Variants in CFAP43 observed in about 807,000 individuals in gnomAD.
CFAP43 encodes the protein cilia and flagella associated protein 43.
In CFAP43, 155 loss-of-function variants were observed where a neutral mutation model predicts 218.9. The observed-to-expected ratio is 0.71, with a 90% confidence interval of 0.62 to 0.81. CFAP43 has a LOEUF of 0.81. Among genes scored for constraint, CFAP43 ranks in the 30% least tolerant of loss-of-function variants. The probability of loss-of-function intolerance (pLI) is 0.00; values close to 1 mark genes in which losing one functional copy is unlikely to be tolerated. For synonymous variants in CFAP43, 645 were observed against 681.3 expected (o/e 0.95, Z 0.83); for missense variants, 1,778 against 1,954.3 (o/e 0.91, Z 1.70).
chr10:104,183,979 A>C (rs558010762), intron 16 of CFAP43, among the ~76,000 whole-genome samples: 1 of 152,344 alleles, frequency 6.6e-6, no homozygotes, highest in East Asian at 1.9e-4. Flanking sequence ...CAAAATCTCC[A>C]CAACATTTAA....
chr10:104,164,483 C>A (rs1281107753), intron 23 of CFAP43, among the ~76,000 whole-genome samples, 183 bp from the exon 24 acceptor site: 1 of 151,776 alleles, frequency 6.6e-6, no homozygotes, highest in East Asian at 1.9e-4. Flanking sequence ...CCGCAAGCTC[C>A]GCCTCCCGGG....
At chr10:104,210,759 G>T (rs2090832135) in intron 5 of CFAP43, among the ~76,000 whole-genome samples, 1 of 146,716 alleles carries the variant, frequency 6.8e-6, no homozygotes, top group Non-Finnish European at 1.5e-5. Flanking sequence ...CCTTGCACAT[G>T]CAGGTCCTTC....
chr10:104,196,129 T>G (rs1416669416), intron 10 of CFAP43, among the ~76,000 whole-genome samples: 2 of 152,226 alleles, frequency 1.3e-5, no homozygotes, highest in Non-Finnish European at 2.9e-5. Context: ...ACCTGTGGTA[T>G]CTGGGTGTAC....
chr10:104,182,124 C>T (rs1324651561), intron 17 of CFAP43, among the ~76,000 whole-genome samples: 1 of 151,902 alleles, frequency 6.6e-6, no homozygotes, highest in African/African-American at 2.4e-5. Context: ...TTTTTTTTTC[C>T]AGGCAAGCCT....
chr10:104,183,669 G>A (rs922577863), intron 16 of CFAP43, among the ~76,000 whole-genome samples: 2 of 152,222 alleles, frequency 1.3e-5, no homozygotes, highest in African/African-American at 2.4e-5. Context: ...GATTACAGGC[G>A]TGAGCCACTG....
chr10:104,143,489 C>G lies in CFAP43; in HGVS notation c.4095G>C (p.Leu1365Phe). Reference sequence around the variant, plus strand: ...AGAAATGATTCCAGACCAAAGGGTCCAAGCCTTCTGGCATGTTACTAATAT... The same window carrying G: ...AGAAATGATTCCAGACCAAAGGGTCGAAGCCTTCTGGCATGTTACTAATAT... ...LDNISNMPEG[L>F]DPLVWNHFCM... Residue 1365 changes from leucine (L) to phenylalanine (F), a missense_variant, in exon 32 of 38, where the codon TTG (leucine) becomes TTC (phenylalanine). Leu to Phe is a conservative substitution (Grantham distance 22). Transcript: ENST00000357060. 6.2e-7 allele frequency: 1 copy of G among 1,614,152 alleles called. No homozygotes were observed.
In CFAP43 at chr10:104,187,423, A is replaced by C; in HGVS notation, c.1757T>G (p.Leu586Trp). The change falls in exon 14 of 38, where the codon TTG (leucine) becomes TGG (tryptophan). Residue 586 changes from leucine to tryptophan, a missense_variant. By Grantham distance (61) the Leu-to-Trp change is moderately conservative. Transcript: ENST00000357060. ...DEIIHKYLYE[L>W]EHALSSAVLG... ...GACTGCAGAGGACAGAGCGTGCTCC[A>C]ACTCATACAGGTACTTATGAATGAT... 6.2e-7 allele frequency: 1 copy of C among 1,609,648 alleles called. No individual in the cohort carries two copies. Among genetic ancestry groups the C allele is most frequent in the Non-Finnish European group, 8.5e-7 (1 of 1,178,472 alleles).
chr10:104,182,392 C>A lies in CFAP43; in HGVS notation c.2263G>T (p.Asp755Tyr). Residue 755 changes from aspartate to tyrosine, a missense_variant, in exon 17 of 38, where the codon GAT (aspartate) becomes TAT (tyrosine). Asp to Tyr is a radical substitution (Grantham distance 160). Around this residue, in one of 3 missense-constraint regions of CFAP43, gnomAD observed 1,553 missense variants for 1,685.2 expected, o/e 0.92. Transcript: ENST00000357060. Reference sequence around the variant, plus strand: ...GTGTGTTCAGAATCGGATCCCAAATCTACGGAAACTTTTGGTGTTGTGCTT... The same window carrying A: ...GTGTGTTCAGAATCGGATCCCAAATATACGGAAACTTTTGGTGTTGTGCTT... Reference protein sequence around the residue: ...YLSTTPKVSVDLGSDSEHTKQ... With the variant: ...YLSTTPKVSVYLGSDSEHTKQ... 6.2e-7 allele frequency: 1 copy of A among 1,608,492 alleles called. No homozygotes were observed. The highest frequency in any genetic ancestry group is 1.3e-5 in the African/African-American group (1 of 74,664).
intron 4 of CFAP43, among the ~76,000 whole-genome samples, chr10:104,213,816 T>C (rs2090935021): frequency 6.6e-6 from 1 of 152,200 alleles, no homozygotes; most frequent in Non-Finnish European, 1.5e-5. Flanking sequence ...ACTACAGGCG[T>C]GAGCCACTGC....
chr10:104,139,275 GA>G (rs1379296794), intron 34 of CFAP43, among the ~76,000 whole-genome samples: 1 of 152,114 alleles, frequency 6.6e-6, no homozygotes, highest in Non-Finnish European at 1.5e-5. Context: ...AATCCCAGTA[GA>G]AAAAGAGAGA....
intron 5 of CFAP43, 92 bp downstream of exon 5, chr10:104,211,915 A>G: frequency 2.1e-6 from 3 of 1,416,810 alleles, no homozygotes; most frequent in East Asian, 2.4e-5. Context: ...TGTATCCTGC[A>G]TTTCTCAAGG....
intron 34 of CFAP43, among the ~76,000 whole-genome samples, chr10:104,138,568 G>A (rs188332050): frequency 1.4e-4 from 21 of 152,064 alleles, no homozygotes; most frequent in African/African-American, 5.1e-4. Flanking sequence ...CCAGCTACTC[G>A]GGAGGCTGAG....
At chr10:104,169,141 G>A (rs1477244083) in intron 20 of CFAP43, among the ~76,000 whole-genome samples, 7 of 152,210 alleles carry the variant, frequency 4.6e-5, no homozygotes, top group Non-Finnish European at 1.0e-4. Flanking sequence ...AGTGGGGTGT[G>A]AGGATGGATG....
Position 104,225,506 on chromosome 10 carries a change from T to G in CFAP43, c.371A>C (p.Tyr124Ser). 1 of 1,613,012 alleles carries G rather than the reference T, an allele frequency of 6.2e-7. No homozygotes were observed. Among genetic ancestry groups the G allele is most frequent in the Non-Finnish European group, 8.5e-7 (1 of 1,179,358 alleles). ...TGGGAGAGAGGAGTAACTAGCCAGG[T>G]AGGTGCCACAGTAACTGAATGAAAG... ...TLLSFSYCGT[Y>S]LASYSSLPEF... Residue 124 changes from tyrosine to serine, a missense_variant, in exon 3 of 38, where the codon TAC becomes TCC. This residue lies in a region of CFAP43 where 1,553 missense variants were observed against 1,685.2 expected (regional missense o/e 0.92). Transcript: ENST00000357060.
chr10:104,197,060 A>C (rs2090401101), intron 9 of CFAP43, 127 bp from the exon 10 acceptor site: 2 of 633,802 alleles, frequency 3.2e-6, no homozygotes, highest in East Asian at 5.9e-5. Flanking sequence ...GTGGATTATA[A>C]ATACTTATTT....
rs2087151995 is a variant in CFAP43, at chr10:104,130,931, G to A, written c.4831+400C>T. Among the ~76,000 whole-genome samples the A allele has an allele frequency of 3.3e-5, 5 of 150,786 alleles. No individual in the cohort carries two copies. In the South Asian group the frequency reaches 1.1e-3, roughly 32 times the overall value. ...GGAGGATCAATTGAGCCCAGGAGGT[G>A]GAGGTTGCATTGAGCCAAGATCATA... is the stretch of plus-strand genomic sequence containing the variant. On this transcript the variant is annotated intron_variant, in intron 37 of 37. Transcript: ENST00000357060.
intron 27 of CFAP43, among the ~76,000 whole-genome samples, chr10:104,158,693 A>T (rs1204595874): frequency 6.6e-6 from 1 of 152,204 alleles, no homozygotes; most frequent in Non-Finnish European, 1.5e-5. Context: ...ATCTGAATAT[A>T]GACTTAATTA....
At chr10:104,169,485 C>T (rs1291382540) in intron 20 of CFAP43, among the ~76,000 whole-genome samples, 4 of 151,972 alleles carry the variant, frequency 2.6e-5, no homozygotes, top group African/African-American at 7.3e-5. Flanking sequence ...GTTTTACTTG[C>T]TTACATAATC....
In CFAP43 at chr10:104,146,248, G is replaced by A. The variant is rs757936525; in HGVS notation, c.3855+15C>T. 1.6e-5 allele frequency: 26 copies of A among 1,609,196 alleles called. No homozygotes were observed. The highest frequency in any genetic ancestry group is 6.6e-5 in the South Asian group (6 of 90,926). Reference sequence around the variant, plus strand: ...CTCTACTGCATTGTTGAGTGGGTAAGACAACAACTCTCACTTTGTCTTCTG... The same window carrying A: ...CTCTACTGCATTGTTGAGTGGGTAAAACAACAACTCTCACTTTGTCTTCTG... On this transcript the variant is annotated intron_variant, in intron 30 of 37. Transcript: ENST00000357060.
Sources: gnomAD v4.1 joint callset for allele counts (sites outside exome capture counted in the v4.1 genomes callset) on GRCh38, gnomAD v4.1.1 for gene constraint, gnomAD v4.1.1 regional missense constraint, MANE v1.5 for transcripts, NCBI Gene and HGNC (gene_info 2026-07-23, HGNC 2026-07-21) for gene names.